Variants in DLG2 observed in about 807,000 individuals in gnomAD.
DLG2 encodes discs large MAGUK scaffold protein 2, also known as disks large homolog 2.
DLG2 carries 45 observed loss-of-function variants against 132.5 expected under a neutral mutation model. The ratio of observed to expected loss-of-function variants is 0.34; its 90% CI spans 0.27 to 0.44. DLG2 has a LOEUF of 0.44. DLG2 is among the 20% of genes least tolerant of loss of function. The pLI is 1.00. For missense variants in DLG2, 1,045 were observed against 1,196.9 expected (o/e 0.87, Z 1.87); for synonymous variants, 424 against 419.6 (o/e 1.01, Z -0.13).
intron 11 of DLG2, among the ~76,000 whole-genome samples, chr11:84,046,602 T>A (rs997143838): frequency 6.6e-6 from 1 of 151,570 alleles, no homozygotes; most frequent in African/African-American, 2.4e-5. Context: ...TGTACCTAGT[T>A]TGTTTCCTGT....
At chr11:84,386,585 G>C (rs1054400549) in intron 7 of DLG2, among the ~76,000 whole-genome samples, 1 of 151,778 alleles carries the variant, frequency 6.6e-6, no homozygotes, top group African/African-American at 2.4e-5. Context: ...TCTACATTTT[G>C]TTACACAATA....
At chr11:85,594,783 C>G (rs1177178727) in intron 3 of DLG2, among the ~76,000 whole-genome samples, 1 of 151,972 alleles carries the variant, frequency 6.6e-6, no homozygotes, top group African/African-American at 2.4e-5. Context: ...AAAAATGATT[C>G]AAGGCCGGGC....
chr11:84,940,383 C>T (rs1173732632), intron 6 of DLG2, among the ~76,000 whole-genome samples: 1 of 152,152 alleles, frequency 6.6e-6, no homozygotes, highest in Non-Finnish European at 1.5e-5. Flanking sequence ...GAACTCCTGA[C>T]CTCAGATGAT....
At chr11:84,820,353 T>C (rs1259839427) in intron 6 of DLG2, among the ~76,000 whole-genome samples, 3 of 151,992 alleles carry the variant, frequency 2.0e-5, no homozygotes, top group Admixed American at 2.0e-4. Flanking sequence ...ATAACCAGTA[T>C]CCCTTTCCAG....
chr11:84,927,115 A>G (rs2093005033), intron 6 of DLG2, among the ~76,000 whole-genome samples: 1 of 152,020 alleles, frequency 6.6e-6, no homozygotes, highest in African/African-American at 2.4e-5. Context: ...GTAATACTTT[A>G]AAAAACATAA....
At chr11:84,947,917 C>T (rs2050423392) in intron 6 of DLG2, among the ~76,000 whole-genome samples, 1 of 152,160 alleles carries the variant, frequency 6.6e-6, no homozygotes, top group Non-Finnish European at 1.5e-5. Flanking sequence ...AACAGGCAAA[C>T]TGTTATTAAA....
chr11:84,487,159 A>T (rs1267572308), intron 7 of DLG2, among the ~76,000 whole-genome samples: 1 of 152,134 alleles, frequency 6.6e-6, no homozygotes, highest in Non-Finnish European at 1.5e-5. Flanking sequence ...ATTAATCAAC[A>T]ATTATTAGTC....
chr11:83,833,407 C>A (rs966456456), intron 17 of DLG2, among the ~76,000 whole-genome samples: 9 of 152,236 alleles, frequency 5.9e-5, no homozygotes, highest in Admixed American at 4.6e-4. Flanking sequence ...CACTGCACTC[C>A]AGCCTGGGCA....
At chr11:85,078,820 A>G (rs111410955) in intron 6 of DLG2, among the ~76,000 whole-genome samples, 4,674 of 152,232 alleles carry the variant, frequency 0.031, 98 homozygotes, top group Middle Eastern at 0.088. Context: ...AACCTAGCCA[A>G]GAGTGATTTG....
At chr11:84,049,044 T>G (rs1199583713) in intron 11 of DLG2, among the ~76,000 whole-genome samples, 1 of 151,590 alleles carries the variant, frequency 6.6e-6, no homozygotes, top group African/African-American at 2.4e-5. Flanking sequence ...GTCAGGAAAT[T>G]TTCAGATGAC....
At chr11:84,339,829 G>A (rs1293917918) in intron 7 of DLG2, among the ~76,000 whole-genome samples, 1 of 152,312 alleles carries the variant, frequency 6.6e-6, no homozygotes, top group East Asian at 1.9e-4. Flanking sequence ...TTACAAGCTA[G>A]ATTTTAGCAA....
intron 18 of DLG2, among the ~76,000 whole-genome samples, chr11:83,742,916 C>T (rs1261323500): frequency 3.3e-5 from 5 of 152,142 alleles, no homozygotes; most frequent in Non-Finnish European, 7.4e-5. Flanking sequence ...ATGAAGACAT[C>T]TCTATTGCTG....
At chr11:83,943,718 T>C (rs1237144784) in intron 14 of DLG2, among the ~76,000 whole-genome samples, 1 of 152,244 alleles carries the variant, frequency 6.6e-6, no homozygotes, top group Non-Finnish European at 1.5e-5. Flanking sequence ...ACAGCAAGTA[T>C]AGTCTTTTTT....
chr11:84,713,271 G>T (rs184418354), intron 6 of DLG2, among the ~76,000 whole-genome samples: 2 of 152,160 alleles, frequency 1.3e-5, no homozygotes, highest in East Asian at 3.9e-4. Flanking sequence ...ATATGACTTT[G>T]GGCAAATTAC....
intron 11 of DLG2, among the ~76,000 whole-genome samples, chr11:84,004,009 C>T (rs2094467440): frequency 6.6e-6 from 1 of 151,916 alleles, no homozygotes; most frequent in African/African-American, 2.4e-5. Context: ...AATTCCACCA[C>T]ACATAAAAAG....
chr11:85,403,251 C>A (rs1197261115), intron 3 of DLG2, among the ~76,000 whole-genome samples: 1 of 151,960 alleles, frequency 6.6e-6, no homozygotes, highest in East Asian at 1.9e-4. Context: ...GACAGAAAAC[C>A]AAACACCGCA....
intron 4 of DLG2, among the ~76,000 whole-genome samples, chr11:85,198,839 T>TGATG (rs1180915295): frequency 6.6e-6 from 1 of 152,156 alleles, no homozygotes; most frequent in East Asian, 1.9e-4. Context: ...TCTCATCAGT[T>TGATG]GATGGATCCA....
intron 3 of DLG2, among the ~76,000 whole-genome samples, chr11:85,442,189 C>T (rs1362086315): frequency 1.3e-5 from 2 of 151,872 alleles, no homozygotes; most frequent in African/African-American, 4.8e-5. Flanking sequence ...TAGTAGAATG[C>T]CATTTAAAAC....
intron 4 of DLG2, among the ~76,000 whole-genome samples, chr11:85,198,968 G>T (rs192403754): frequency 9.3e-4 from 141 of 152,208 alleles, no homozygotes; most frequent in African/African-American, 3.2e-3. Context: ...CAGGTCTAAT[G>T]TCAACCTTCC....
Sources: allele counts gnomAD v4.1 joint callset (sites outside exome capture counted in the v4.1 genomes callset), GRCh38; gene constraint gnomAD v4.1.1; transcripts MANE v1.5; gene names NCBI Gene and HGNC (gene_info 2026-07-23, HGNC 2026-07-21).